Variants in RBFOX1 observed in about 807,000 individuals in gnomAD.
RBFOX1 encodes RNA binding protein fox-1 homolog 1.
In RBFOX1, 8 loss-of-function variants were observed where a neutral mutation model predicts 57.7. The observed-to-expected ratio is 0.14, with a 90% CI of 0.08 to 0.25. The LOEUF is 0.25. Ranked by LOEUF, RBFOX1 falls within the 10% of genes least tolerant of loss-of-function variation. RBFOX1 has a pLI of 1.00. For missense variants in RBFOX1, 611 were observed against 548.5 expected, an observed-to-expected ratio of 1.11 and a Z score of -1.14; for synonymous variants, 326 against 222.4, an observed-to-expected ratio of 1.47 and a Z score of -4.15.
intron 3 of RBFOX1, among the ~76,000 whole-genome samples, chr16:6,999,991 G>C (rs1265684957): frequency 1.3e-5 from 2 of 151,582 alleles, no homozygotes; most frequent in Non-Finnish European, 2.9e-5. Flanking sequence ...AGAATTGCTT[G>C]GACCTAGCAG....
At chr16:6,921,337 C>G (rs1049241993) in intron 3 of RBFOX1, among the ~76,000 whole-genome samples, 1 of 152,146 alleles carries the variant, frequency 6.6e-6, no homozygotes, top group Non-Finnish European at 1.5e-5. Flanking sequence ...GTGAACCTGT[C>G]AGGTGGGTTG....
chr16:5,948,014 G>A (rs539076285), intron 4 of RBFOX1, among the ~76,000 whole-genome samples: 4 of 152,268 alleles, frequency 2.6e-5, no homozygotes, highest in African/African-American at 9.6e-5. Flanking sequence ...ACATTTTCAT[G>A]GCAGGAACTC....
At chr16:7,220,413 A>G (rs1265141822) in intron 4 of RBFOX1, among the ~76,000 whole-genome samples, 1 of 152,204 alleles carries the variant, frequency 6.6e-6, no homozygotes, top group Admixed American at 6.5e-5. Context: ...GCAATGCATT[A>G]CAATGCTAGA....
At chr16:5,974,970 T>C (rs1596326843) in intron 4 of RBFOX1, among the ~76,000 whole-genome samples, 1 of 152,136 alleles carries the variant, frequency 6.6e-6, no homozygotes, top group South Asian at 2.1e-4. Context: ...AACACGCCTT[T>C]GCACTCCAGC....
intron 1 of RBFOX1, among the ~76,000 whole-genome samples, chr16:5,265,944 C>G (rs560289651): frequency 2.4e-4 from 36 of 151,946 alleles, no homozygotes; most frequent in South Asian, 1.5e-3. Flanking sequence ...TGGGGATCTC[C>G]GGGTCTTGAG....
At chr16:5,539,187 G>A (rs1567207783) in intron 2 of RBFOX1, among the ~76,000 whole-genome samples, 1 of 152,194 alleles carries the variant, frequency 6.6e-6, no homozygotes, top group Non-Finnish European at 1.5e-5. Flanking sequence ...GGGAGAGAAT[G>A]GGTCCAGGTC....
In RBFOX1 at chr16:7,711,453, A is replaced by T. The variant is rs1470275751; in HGVS notation, c.*708A>T. ...TTCTTAACCAGTCGCTATTTAGGAA[A>T]AAAAACCCACTAGTTAGGCCATCAA... On this transcript the variant is annotated 3_prime_UTR_variant, in exon 16 of 16. Coordinates refer to ENST00000550418, the MANE Select transcript of RBFOX1 (RefSeq NM_018723.4). The T allele has an allele frequency of 6.6e-6, 1 of 152,612 alleles. No homozygotes were observed. Among genetic ancestry groups the T allele is most frequent in the Non-Finnish European group, 1.5e-5 (1 of 68,032 alleles). 9.5% of individuals were successfully genotyped at this position (152,612 alleles called of 1,614,324 possible).
Position 6,784,576 on chromosome 16 carries a change from TGA to T in RBFOX1, c.-16+129930_-16+129931del, listed in dbSNP as rs1264179502. On this transcript the variant is annotated intron_variant, in intron 3 of 15. Transcript: ENST00000550418. ...AGACAACCATTTTGAATTGCCTGTC[TGA>T]GAGGTCACATATCTCTGTATCTCTA... 3.3e-5 allele frequency among the ~76,000 whole-genome samples: 5 copies of T among 152,328 alleles called. No individual in the cohort carries two copies. In the East Asian group the frequency reaches 7.7e-4, roughly 24 times the overall value.
At chr16:5,694,517 C>G (rs1191673815) in intron 3 of RBFOX1, among the ~76,000 whole-genome samples, 2 of 152,108 alleles carry the variant, frequency 1.3e-5, no homozygotes, top group East Asian at 3.9e-4. Flanking sequence ...AGCTGGTCTT[C>G]AGTTTTACCA....
chr16:7,166,044 C>T (rs1750290919), intron 4 of RBFOX1, among the ~76,000 whole-genome samples: 1 of 151,806 alleles, frequency 6.6e-6, no homozygotes, highest in Non-Finnish European at 1.5e-5. Flanking sequence ...GGTGGAATCT[C>T]ATTCTGTTGC....
At chr16:6,636,007 C>T (rs1242741322) in intron 2 of RBFOX1, among the ~76,000 whole-genome samples, 1 of 152,110 alleles carries the variant, frequency 6.6e-6, no homozygotes, top group Non-Finnish European at 1.5e-5. Context: ...ATACACATAA[C>T]CTGAAAGTAC....
chr16:7,703,589 A>C (rs1329752831), intron 14 of RBFOX1, among the ~76,000 whole-genome samples: 1 of 152,174 alleles, frequency 6.6e-6, no homozygotes, highest in African/African-American at 2.4e-5. Flanking sequence ...TAAGAAAATT[A>C]TGTTAAAACC....
intron 4 of RBFOX1, among the ~76,000 whole-genome samples, chr16:7,388,978 G>A (rs1394339885): frequency 6.6e-6 from 1 of 152,116 alleles, no homozygotes; most frequent in Non-Finnish European, 1.5e-5. Context: ...GCCTAATACA[G>A]AGTAAGTGCT....
chr16:6,449,590 TG>T (rs2094550193), intron 2 of RBFOX1, among the ~76,000 whole-genome samples: 2 of 152,350 alleles, frequency 1.3e-5, no homozygotes, highest in African/African-American at 4.8e-5. Context: ...CAGAGCCTTA[TG>T]ATGGGCACTG....
chr16:7,692,652 AGT>A (rs1170442311), intron 14 of RBFOX1, among the ~76,000 whole-genome samples: 1 of 152,166 alleles, frequency 6.6e-6, no homozygotes, highest in Admixed American at 6.5e-5. Context: ...ATATCGTGGA[AGT>A]GTCACAGTTG....
In RBFOX1 at chr16:6,140,385, G is replaced by A. The variant is rs549344197; in HGVS notation, c.-127+120393G>A. Among the ~76,000 whole-genome samples, 7 of 151,978 alleles carry A rather than the reference G, an allele frequency of 4.6e-5. 1 individual carries two copies. In the South Asian group the frequency reaches 1.2e-3, roughly 27 times the overall value. On this transcript the variant is annotated intron_variant, in intron 1 of 15. Transcript: ENST00000550418. ...TTTTTAATATTTTTTTTGTAGACACGAGGTCTTGCTGTGTTGGCCAGGCTA... is the reference window on the plus strand; with the variant it reads ...TTTTTAATATTTTTTTTGTAGACACAAGGTCTTGCTGTGTTGGCCAGGCTA...
rs111832009 is a variant in RBFOX1, at chr16:6,072,880, C to G, written c.-127+52888C>G. Among the ~76,000 whole-genome samples the G allele has an allele frequency of 1.7e-3, 264 of 152,190 alleles. 3 individuals carry two copies. The highest frequency in any genetic ancestry group is 6.1e-3 in the African/African-American group (254 of 41,520). ...TTGGATGTGAAAGATAGGTCTGTTCCTATGATTGTGGGGATGGTTTCACAG... is the reference window on the plus strand; with the variant it reads ...TTGGATGTGAAAGATAGGTCTGTTCGTATGATTGTGGGGATGGTTTCACAG... On this transcript the variant is annotated intron_variant, in intron 1 of 15. Transcript: ENST00000550418.
At chr16:7,491,216 C>A (rs531079543) in intron 4 of RBFOX1, among the ~76,000 whole-genome samples, 10 of 152,184 alleles carry the variant, frequency 6.6e-5, no homozygotes, top group South Asian at 2.1e-4. Flanking sequence ...CCGGGCATTG[C>A]CACATCCCTT....
chr16:7,709,094 C>T lies in RBFOX1; in HGVS notation c.1034C>T (p.Ala345Val). Residue 345 changes from alanine (A) to valine (V), a missense_variant, in exon 15 of 16, where the codon GCA (alanine) becomes GTA (valine). By Grantham distance (64) the Ala-to-Val change is moderately conservative (BLOSUM62 0). Around this residue, in one of 3 missense-constraint regions of RBFOX1, gnomAD observed 267 missense variants for 229.1 expected, o/e 1.17. Coordinates refer to ENST00000550418, the MANE Select transcript of RBFOX1 (RefSeq NM_018723.4). ...TATGCTGCCGACCCCTACCACCACG[C>T]ACTTGCTCCAGCCCCCACCTACGGC... ...RVYAADPYHHALAPAPTYGVG... is the reference protein window; with the variant it reads ...RVYAADPYHHVLAPAPTYGVG... 6.2e-7 allele frequency: 1 copy of T among 1,613,480 alleles called. No individual in the cohort carries two copies. The highest frequency in any genetic ancestry group is 8.5e-7 in the Non-Finnish European group (1 of 1,179,656).
Sources: allele counts gnomAD v4.1 joint callset (sites outside exome capture counted in the v4.1 genomes callset), GRCh38; gene constraint gnomAD v4.1.1; regional missense constraint gnomAD v4.1.1; transcripts MANE v1.5; gene names NCBI Gene and HGNC (gene_info 2026-07-23, HGNC 2026-07-21).